Variants in ADGRB2 observed in about 807,000 individuals in gnomAD.
ADGRB2 encodes brain-specific angiogenesis inhibitor 2.
Under a neutral mutation model 178.7 loss-of-function variants are expected in ADGRB2, and 47 were observed. The observed-to-expected ratio is 0.26, with a 90% CI of 0.21 to 0.34. The LOEUF is 0.34. Among genes scored for constraint, ADGRB2 ranks in the 10% least tolerant of loss-of-function variants. The probability of loss-of-function intolerance (pLI) is 1.00; values close to 1 mark genes in which losing one functional copy is unlikely to be tolerated. For missense variants in ADGRB2, 1,584 were observed against 2,180.8 expected, an observed-to-expected ratio of 0.73 and a Z score of 5.45; for synonymous variants, 870 against 912.4, an observed-to-expected ratio of 0.95 and a Z score of 0.84.
At chr1:31,729,675 C>T (rs1259559414) in intron 29 of ADGRB2, among the ~76,000 whole-genome samples, 5 of 152,348 alleles carry the variant, frequency 3.3e-5, no homozygotes, top group East Asian at 3.9e-4. Context: ...CGGTTGCCCA[C>T]GCCCGAATTC....
Position 31,744,398 on chromosome 1 carries a change from C to A in ADGRB2, c.923-41G>T. ...AGCGTCGGCGGCAGGGGGCACCTCCCAAGCACTCAGTCTCATAGGGATAGG... is the reference window on the plus strand; with the variant it reads ...AGCGTCGGCGGCAGGGGGCACCTCCAAAGCACTCAGTCTCATAGGGATAGG... On this transcript the variant is annotated intron_variant, in intron 5 of 32. Coordinates refer to ENST00000373658, the MANE Select transcript of ADGRB2 (RefSeq NM_001364857.2). This position sits in a 1 kb window ranked among gnomAD's most constrained non-coding sequence, Gnocchi z 6.7. 6.5e-7 allele frequency: 1 copy of A among 1,545,356 alleles called. No homozygotes were observed. Among genetic ancestry groups the A allele is most frequent in the South Asian group, 1.2e-5 (1 of 83,880 alleles).
rs1283437918 is a variant in ADGRB2 at position 31,744,260 on chromosome 1, G to T, written c.1020C>A (p.Pro340=). ...QVRTRSCVSS[P]YGTLCSGPLR... is the part of the protein sequence containing the mutation. ...GGGGCCCGCTGCACAGGGTCCCATA[G>T]GGGGAGGACACACAGGAGCGGGTCC... is the stretch of plus-strand genomic sequence containing the variant. The change falls in exon 6 of 33, where the codon CCC becomes CCA. Residue 340 remains proline, a synonymous_variant. Transcript: ENST00000373658. This position sits in a 1 kb window ranked among gnomAD's most constrained non-coding sequence, Gnocchi z 6.7. 4 of 1,551,168 alleles carry T rather than the reference G, an allele frequency of 2.6e-6. No individual in the cohort carries two copies. The highest frequency in any genetic ancestry group is 3.5e-6 in the Non-Finnish European group (4 of 1,146,756).
At chr1:31,738,061 C>T in intron 18 of ADGRB2, 139 bp downstream of exon 18, 4 of 1,304,016 alleles carry the variant, frequency 3.1e-6, no homozygotes, top group Non-Finnish European at 2.1e-6. Flanking sequence ...GGGGCACAGA[C>T]ATCCACGTAC....
Position 31,764,112 on chromosome 1 carries a change from C to G in ADGRB2, c.-419G>C. On this transcript the variant is annotated 5_prime_UTR_variant, in exon 1 of 33. Transcript: ENST00000373658. This position sits in a 1 kb window ranked among gnomAD's most constrained non-coding sequence, Gnocchi z 7.3. ...CCGGGCCGGGCGCGGGCTCCTGCCGCCGCCGCCGCCGCCGCCTCCTTGCCG... is the reference window on the plus strand; with the variant it reads ...CCGGGCCGGGCGCGGGCTCCTGCCGGCGCCGCCGCCGCCGCCTCCTTGCCG... 2.2e-6 allele frequency: 2 copies of G among 907,382 alleles called. No homozygotes were observed. Among genetic ancestry groups the G allele is most frequent in the Non-Finnish European group, 1.3e-6 (1 of 763,226 alleles). The allele number at this position is 907,382 out of a possible 1,614,324, so 56.2% of individuals were successfully genotyped here. A position where few individuals can be genotyped will look rare whatever the true frequency, so the allele number is the denominator to read the frequency against.
rs769235518 is a variant in ADGRB2, at chr1:31,739,606, C to T, written c.2197G>A (p.Ala733Thr). Reference protein sequence around the residue: ...VISIQREPVSAVSSDITFPMR... With the variant: ...VISIQREPVSTVSSDITFPMR... ...GGGAACGTGATGTCACTGGACACAG[C>T]TGAGACGGGCTCTCGCTGAATGCTG... The change falls in exon 15 of 33, where the codon GCT (alanine) becomes ACT (threonine). Residue 733 changes from alanine to threonine, a missense_variant. Physicochemically the swap from Ala to Thr is moderately conservative, Grantham distance 58. Coordinates refer to ENST00000373658, the MANE Select transcript of ADGRB2 (RefSeq NM_001364857.2). 2.6e-5 allele frequency: 41 copies of T among 1,598,620 alleles called. No individual in the cohort carries two copies. In the Admixed American group the frequency reaches 6.9e-4, roughly 27 times the overall value.
Position 31,740,479 on chromosome 1 carries a change from C to CA in ADGRB2, c.1856dup (p.Arg620AlafsTer14). 1 of 1,613,300 alleles carries CA rather than the reference C, an allele frequency of 6.2e-7. No individual in the cohort carries two copies. ...GGGCCAGTAGCTCCTGCAGGCTGCG[C>CA]ACCACCTGCGACATGCCCTCGCCTG... On this transcript the variant is annotated frameshift_variant, in exon 12 of 33. Coordinates refer to ENST00000373658, the MANE Select transcript of ADGRB2 (RefSeq NM_001364857.2). LOFTEE classifies it high-confidence loss of function. This position sits in a 1 kb window ranked among gnomAD's most constrained non-coding sequence, Gnocchi z 5.9.
chr1:31,756,848 A>G lies in ADGRB2; in HGVS notation c.22-33T>C. On this transcript the variant is annotated intron_variant, in intron 3 of 32. Coordinates refer to ENST00000373658, the MANE Select transcript of ADGRB2 (RefSeq NM_001364857.2). This position sits in a 1 kb window ranked among gnomAD's most constrained non-coding sequence, Gnocchi z 8.5. ...GAGAGACAGTGGTCAGCGGGCCCCC[A>G]GCACAGCCAGCATGGGCTCTGAACC... 1 of 1,448,096 alleles carries G rather than the reference A, an allele frequency of 6.9e-7. No individual in the cohort carries two copies. The highest frequency in any genetic ancestry group is 9.1e-7 in the Non-Finnish European group (1 of 1,096,066). 89.7% of individuals were successfully genotyped at this position (1,448,096 alleles called of 1,614,324 possible).
chr1:31,735,128 C>T lies in ADGRB2; in HGVS notation c.3452+55G>A, dbSNP rs1645508675. On this transcript the variant is annotated intron_variant, in intron 25 of 32. Transcript: ENST00000373658. This position sits in a 1 kb window ranked among gnomAD's most constrained non-coding sequence, Gnocchi z 6.0. ...CCTCCCCCCACCATGGGCACTGCCC[C>T]CCCCAATTCCTTTGCCCCACCCACC... 9.0e-7 allele frequency: 1 copy of T among 1,107,626 alleles called. No individual in the cohort carries two copies. 68.6% of individuals were successfully genotyped at this position (1,107,626 alleles called of 1,614,324 possible). A position where few individuals can be genotyped will look rare whatever the true frequency, so the allele number is the denominator to read the frequency against.
Position 31,742,103 on chromosome 1 carries a change from C to T in ADGRB2, c.1367G>A (p.Cys456Tyr). 6.2e-7 allele frequency: 1 copy of T among 1,613,088 alleles called. No homozygotes were observed. Residue 456 changes from cysteine to tyrosine, a missense_variant, in exon 8 of 33, where the codon TGC becomes TAC. Transcript: ENST00000373658. ...CSVAGPAWAT[C>Y]TGALTDTREC... Reference sequence around the variant, plus strand: ...CCGGGTGTCAGTGAGGGCACCCGTGCATGTGGCCCAGGCTGGGCCCGCCAC... The same window carrying T: ...CCGGGTGTCAGTGAGGGCACCCGTGTATGTGGCCCAGGCTGGGCCCGCCAC...
At position 31,741,830 on chromosome 1, in the gene ADGRB2, C is replaced by A. The variant is rs779210870; in HGVS notation, c.1555G>T (p.Val519Leu). 7 of 1,600,002 alleles carry A rather than the reference C, an allele frequency of 4.4e-6. No individual in the cohort carries two copies. The highest frequency in any genetic ancestry group is 3.3e-5 in the South Asian group (3 of 89,580). Residue 519 changes from valine to leucine, a missense_variant, in exon 9 of 33, where the codon GTG (valine) becomes TTG (leucine). Transcript: ENST00000373658. This position sits in a 1 kb window ranked among gnomAD's most constrained non-coding sequence, Gnocchi z 6.5. ...GYPCEGTGEE[V>L]KPCSEKRCPA... Reference sequence around the variant, plus strand: ...CACCTCTTCTCACTACAAGGCTTCACCTCCTCTCCGGTGCCCTCGCAGGGG... The same window carrying A: ...CACCTCTTCTCACTACAAGGCTTCAACTCCTCTCCGGTGCCCTCGCAGGGG...
rs1156232528 is a variant in ADGRB2, at chr1:31,727,118, CCA to C, written c.*300_*301del. On this transcript the variant is annotated 3_prime_UTR_variant, in exon 33 of 33. Coordinates refer to ENST00000373658, the MANE Select transcript of ADGRB2 (RefSeq NM_001364857.2). This position sits in a 1 kb window ranked among gnomAD's most constrained non-coding sequence, Gnocchi z 4.4. ...GAAGCAAACAGCTCAGCAGCAAAAT[CCA>C]CAGAGTGAAGTTTATTCCCAACAAA... The C allele has an allele frequency of 1.8e-5, 6 of 335,116 alleles. No individual in the cohort carries two copies. Among genetic ancestry groups the C allele is most frequent in the Non-Finnish European group, 3.2e-5 (6 of 185,228 alleles). 20.8% of individuals were successfully genotyped at this position (335,116 alleles called of 1,614,324 possible). A position where few individuals can be genotyped will look rare whatever the true frequency, so the allele number is the denominator to read the frequency against.
Position 31,741,315 on chromosome 1 carries a change from C to T in ADGRB2, c.1794+58G>A. 1 of 1,503,766 alleles carries T rather than the reference C, an allele frequency of 6.6e-7. No homozygotes were observed. The highest frequency in any genetic ancestry group is 9.1e-7 in the Non-Finnish European group (1 of 1,103,502). The allele number at this position is 1,503,766 out of a possible 1,614,324, so 93.2% of individuals were successfully genotyped here. On this transcript the variant is annotated intron_variant, in intron 11 of 32. Coordinates refer to ENST00000373658, the MANE Select transcript of ADGRB2 (RefSeq NM_001364857.2). This position sits in a 1 kb window ranked among gnomAD's most constrained non-coding sequence, Gnocchi z 6.5. ...CGAGCGAGAATCACGCTCCCTCCACCCCCTAGCAGAGTCTGAGACAGATTC... is the reference window on the plus strand; with the variant it reads ...CGAGCGAGAATCACGCTCCCTCCACTCCCTAGCAGAGTCTGAGACAGATTC...
rs565418237 is a variant in ADGRB2 at position 31,754,587 on chromosome 1, A to G, written c.838+1412T>C. ...TACCCGCGGCCCGGCTGTCACTCGG[A>G]CGGCTTCATTGACCGCCGTTAGAGG... On this transcript the variant is annotated intron_variant, in intron 4 of 32. Transcript: ENST00000373658. This position sits in a 1 kb window ranked among gnomAD's most constrained non-coding sequence, Gnocchi z 5.7. Among the ~76,000 whole-genome samples the G allele has an allele frequency of 1.0e-3, 152 of 152,330 alleles. No homozygotes were observed. Among genetic ancestry groups the G allele is most frequent in the African/African-American group, 3.5e-3 (145 of 41,588 alleles).
chr1:31,752,431 C>A (rs919521912), intron 4 of ADGRB2, among the ~76,000 whole-genome samples: 1 of 152,156 alleles, frequency 6.6e-6, no homozygotes, highest in Middle Eastern at 3.2e-3. Flanking sequence ...CTGCCTGGGC[C>A]CCCAACAGGC....
rs1169369414 is a variant in ADGRB2 at position 31,735,943 on chromosome 1, C to T, written c.3201-50G>A. ...TCAGACACCCAGCAGCCTCCCTCCC[C>T]ACCCTCAAACACCATCCCTCAGTCC... On this transcript the variant is annotated intron_variant, in intron 22 of 32. Transcript: ENST00000373658. The surrounding 1 kb of genome is among the most constrained non-coding windows in gnomAD (Gnocchi z 6.0). 1 of 1,499,486 alleles carries T rather than the reference C, an allele frequency of 6.7e-7. No homozygotes were observed. Among genetic ancestry groups the T allele is most frequent in the Non-Finnish European group, 9.0e-7 (1 of 1,107,938 alleles). The allele number at this position is 1,499,486 out of a possible 1,614,324, so 92.9% of individuals were successfully genotyped here.
At chr1:31,750,855 T>C (rs1646529577) in intron 4 of ADGRB2, among the ~76,000 whole-genome samples, 2 of 152,012 alleles carry the variant, frequency 1.3e-5, no homozygotes. Flanking sequence ...TATGAGATCA[T>C]GTACCTAGCC....
rs1157073890 is a variant in ADGRB2 at position 31,744,948 on chromosome 1, TCA to T, written c.839-219_839-218del. Among the ~76,000 whole-genome samples, 1 of 152,206 alleles carries T rather than the reference TCA, an allele frequency of 6.6e-6. No homozygotes were observed. The highest frequency in any genetic ancestry group is 2.4e-5 in the African/African-American group (1 of 41,462). On this transcript the variant is annotated intron_variant, in intron 4 of 32. Coordinates refer to ENST00000373658, the MANE Select transcript of ADGRB2 (RefSeq NM_001364857.2). This position sits in a 1 kb window ranked among gnomAD's most constrained non-coding sequence, Gnocchi z 6.7. ...GGCTACACAGGACTAGGCCCTGACC[TCA>T]CAGTCATCTTTTCCACCTCTTGCCT... is the stretch of plus-strand genomic sequence containing the variant.
rs1569855251 is a variant in ADGRB2, at chr1:31,738,301, T to C, written c.2671A>G (p.Thr891Ala). ...GTCTCCAGGGTCTGGCAATTTTCAGTGTCCCAGTCTCCTGAGCTGGCATCT... is the reference window on the plus strand; with the variant it reads ...GTCTCCAGGGTCTGGCAATTTTCAGCGTCCCAGTCTCCTGAGCTGGCATCT... ...RADASSGDWD[T>A]ENCQTLETQA... The change falls in exon 18 of 33, where the codon ACT (threonine) becomes GCT (alanine). Residue 891 changes from threonine to alanine, a missense_variant. By Grantham distance (58) the Thr-to-Ala change is moderately conservative. This residue lies in a region of ADGRB2 where 865 missense variants were observed against 1,192.8 expected (regional missense o/e 0.73). Coordinates refer to ENST00000373658, the MANE Select transcript of ADGRB2 (RefSeq NM_001364857.2). 6.2e-7 allele frequency: 1 copy of C among 1,614,114 alleles called. No individual in the cohort carries two copies. Among genetic ancestry groups the C allele is most frequent in the East Asian group, 2.2e-5 (1 of 44,886 alleles).
rs542630136 is a variant in ADGRB2, at chr1:31,731,796, C to T, written c.3760+319G>A. On this transcript the variant is annotated intron_variant, in intron 28 of 32. Coordinates refer to ENST00000373658, the MANE Select transcript of ADGRB2 (RefSeq NM_001364857.2). ...TAAGAATCTGGAAATGATATAATAA[C>T]GTAACACTCTGTGCCATGGGTCCTG... Among the ~76,000 whole-genome samples, 17 of 152,296 alleles carry T rather than the reference C, an allele frequency of 1.1e-4. No homozygotes were observed. The East Asian group carries it at 1.7e-3, about 16-fold the overall frequency.
Sources: allele counts gnomAD v4.1 joint callset (sites outside exome capture counted in the v4.1 genomes callset), GRCh38; gene constraint gnomAD v4.1.1; regional missense constraint gnomAD v4.1.1; non-coding constraint Gnocchi (gnomAD v3.1); transcripts MANE v1.5; gene names NCBI Gene and HGNC (gene_info 2026-07-23, HGNC 2026-07-21).